Variants in METTL24 observed in about 807,000 individuals in gnomAD.
The protein encoded by METTL24 is probable methyltransferase-like protein 24.
In METTL24, 29 loss-of-function variants were observed where a neutral mutation model predicts 32.7. That is an observed-to-expected ratio of 0.89 (90% CI 0.66 to 1.21). The LOEUF (loss-of-function observed/expected upper bound fraction) is 1.21, where lower values mean the gene tolerates loss of function less well. Among genes scored for constraint, METTL24 ranks in the 50% most tolerant of loss-of-function variants. The probability of loss-of-function intolerance (pLI) is 0.00; values close to 1 mark genes in which losing one functional copy is unlikely to be tolerated. For synonymous variants in METTL24, 163 were observed against 179.5 expected (o/e 0.91, Z 0.73); for missense variants, 439 against 468.1 (o/e 0.94, Z 0.57).
At chr6:110,331,659 CAAAAAAA>C (rs59304999) in intron 1 of METTL24, among the ~76,000 whole-genome samples, 1 of 58,850 alleles carries the variant, frequency 1.7e-5, no homozygotes, top group East Asian at 4.9e-4. Flanking sequence ...GACCCTGCCT[CAAAAAAA>C]AAAAAAAAAA....
intron 1 of METTL24, among the ~76,000 whole-genome samples, chr6:110,343,178 C>T (rs1043775079): frequency 1.3e-5 from 2 of 152,088 alleles, no homozygotes; most frequent in African/African-American, 4.8e-5. Flanking sequence ...TCATCAGGAA[C>T]CCCAAAAGCC....
intron 1 of METTL24, among the ~76,000 whole-genome samples, chr6:110,334,181 C>T (rs9374163): frequency 0.24 from 36,059 of 151,970 alleles, 4,343 homozygotes; most frequent in East Asian, 0.33. Flanking sequence ...AACCCGGGGG[C>T]CCACAGGGCT....
intron 3 of METTL24, among the ~76,000 whole-genome samples, chr6:110,308,073 A>G (rs954260507): frequency 1.3e-5 from 2 of 152,230 alleles, no homozygotes; most frequent in Admixed American, 1.3e-4. Flanking sequence ...CTGATGTCTT[A>G]AAGAAAAACA....
intron 3 of METTL24, among the ~76,000 whole-genome samples, chr6:110,302,424 TAC>T (rs1323910329): frequency 2.1e-4 from 31 of 146,396 alleles, no homozygotes; most frequent in African/African-American, 6.8e-4. Context: ...TATACACATA[TAC>T]ACACACATAT....
intron 1 of METTL24, among the ~76,000 whole-genome samples, chr6:110,347,662 G>A (rs1464965499): frequency 6.6e-6 from 1 of 152,162 alleles, no homozygotes; most frequent in Non-Finnish European, 1.5e-5. Flanking sequence ...CCAGTTAATA[G>A]GAAATTTGTA....
chr6:110,288,969 T>G (rs1771272617), intron 4 of METTL24, among the ~76,000 whole-genome samples: 1 of 152,122 alleles, frequency 6.6e-6, no homozygotes, highest in Non-Finnish European at 1.5e-5. Context: ...GCTGCTGGCC[T>G]AAGAAGATGG....
intron 4 of METTL24, among the ~76,000 whole-genome samples, chr6:110,271,284 C>T (rs941273919): frequency 2.0e-5 from 3 of 151,922 alleles, no homozygotes; most frequent in Admixed American, 6.6e-5. Flanking sequence ...TAAGAGCATA[C>T]ACGTTCTTTG....
chr6:110,347,064 A>C (rs1421008811), intron 1 of METTL24, among the ~76,000 whole-genome samples: 1 of 152,174 alleles, frequency 6.6e-6, no homozygotes, highest in Non-Finnish European at 1.5e-5. Context: ...TATACATTGT[A>C]GATATCCTTG....
intron 4 of METTL24, among the ~76,000 whole-genome samples, chr6:110,297,519 C>G (rs1383280368): frequency 6.6e-6 from 1 of 152,024 alleles, no homozygotes; most frequent in Admixed American, 6.6e-5. Flanking sequence ...GCAGGAACAG[C>G]AAGACTCCTA....
intron 2 of METTL24, among the ~76,000 whole-genome samples, chr6:110,321,589 G>T (rs1225338716): frequency 1.3e-5 from 2 of 152,138 alleles, no homozygotes; most frequent in Admixed American, 1.3e-4. Flanking sequence ...TAAAATTTCA[G>T]TATTTTAATT....
At chr6:110,353,406 C>T (rs971399697) in intron 1 of METTL24, among the ~76,000 whole-genome samples, 1 of 138,208 alleles carries the variant, frequency 7.2e-6, no homozygotes, top group African/African-American at 2.5e-5. Context: ...GGCAGTTGGA[C>T]ATATCAGGGG....
intron 4 of METTL24, among the ~76,000 whole-genome samples, chr6:110,246,778 C>A (rs923500453): frequency 1.3e-5 from 2 of 152,142 alleles, no homozygotes; most frequent in African/African-American, 4.8e-5. Context: ...AAGGAAGTGA[C>A]AAAGGGCTAC....
chr6:110,295,612 C>G (rs1362134338), intron 4 of METTL24, among the ~76,000 whole-genome samples: 1 of 152,178 alleles, frequency 6.6e-6, no homozygotes, highest in Non-Finnish European at 1.5e-5. Flanking sequence ...ATACAATCAC[C>G]CACAAGGCTG....
intron 1 of METTL24, 128 bp downstream of exon 1, chr6:110,357,827 A>G (rs987846377): frequency 4.1e-5 from 13 of 318,884 alleles, no homozygotes; most frequent in Admixed American, 3.9e-4. Context: ...GCACAGGGGG[A>G]AGAGAAGAAG....
At chr6:110,290,681 T>C (rs1293258302) in intron 4 of METTL24, among the ~76,000 whole-genome samples, 1 of 152,230 alleles carries the variant, frequency 6.6e-6, no homozygotes, top group Non-Finnish European at 1.5e-5. Flanking sequence ...CTATACACTT[T>C]CAGTTACAAG....
chr6:110,299,194 A>C, intron 3 of METTL24, 44 bp from the exon 4 acceptor site: 2 of 1,560,722 alleles, frequency 1.3e-6, no homozygotes, highest in Middle Eastern at 3.4e-4. Context: ...AAATGCAATG[A>C]AGCAAAGTGT....
At chr6:110,342,555 T>C (rs1772380304) in intron 1 of METTL24, among the ~76,000 whole-genome samples, 1 of 152,212 alleles carries the variant, frequency 6.6e-6, no homozygotes, top group Non-Finnish European at 1.5e-5. Context: ...AACGGAGATA[T>C]GATTCACATG....
chr6:110,302,514 C>CACATATGTGTATATAT (rs1474433236), intron 3 of METTL24, among the ~76,000 whole-genome samples: 28 of 115,916 alleles, frequency 2.4e-4, no homozygotes, highest in African/African-American at 1.1e-3. Flanking sequence ...CACATATACA[C>CACATATGTGTATATAT]ACACATATGT....
chr6:110,247,293 C>T (rs1778184969), intron 4 of METTL24, among the ~76,000 whole-genome samples: 1 of 152,136 alleles, frequency 6.6e-6, no homozygotes, highest in Admixed American at 6.5e-5. Flanking sequence ...CAGTGAGGAA[C>T]CCATTCCCAG....
Sources: allele counts gnomAD v4.1 joint callset (sites outside exome capture counted in the v4.1 genomes callset), GRCh38; gene constraint gnomAD v4.1.1; transcripts MANE v1.5; gene names NCBI Gene and HGNC (gene_info 2026-07-23, HGNC 2026-07-21).